Variants in NR4A3 observed in about 807,000 individuals in gnomAD.
The protein encoded by NR4A3 is nuclear receptor subfamily 4 group A member 3.
In NR4A3, 13 loss-of-function variants were observed where a neutral mutation model predicts 55.6. The ratio of observed to expected loss-of-function variants is 0.23; its 90% confidence interval spans 0.15 to 0.37. The LOEUF (loss-of-function observed/expected upper bound fraction) is 0.37. Ranked by LOEUF, NR4A3 falls within the 10% of genes least tolerant of loss-of-function variation. The probability of loss-of-function intolerance (pLI) is 1.00; values close to 1 mark genes in which losing one functional copy is unlikely to be tolerated. For synonymous variants in NR4A3, 342 were observed against 357.9 expected (o/e 0.96, Z 0.50); for missense variants, 646 against 822.8 (o/e 0.79, Z 2.63).
In NR4A3 at chr9:99,828,059, C is replaced by A; in HGVS notation, c.17C>A (p.Ala6Asp). The part of the protein sequence containing the change: MPCVQ[A>D]QYSPSPPGSS... Reference sequence around the variant, plus strand: ...CCTGCAGATATGCCCTGCGTCCAAGCCCAATATAGCCCTTCCCCTCCAGGT... The same window carrying A: ...CCTGCAGATATGCCCTGCGTCCAAGACCAATATAGCCCTTCCCCTCCAGGT... The change falls in exon 3 of 8, where the codon GCC (alanine) becomes GAC (aspartate). Residue 6 changes from alanine to aspartate, a missense_variant. Coordinates refer to ENST00000395097, the MANE Select transcript of NR4A3 (RefSeq NM_006981.4). The surrounding 1 kb of genome is among the most constrained non-coding windows in gnomAD (Gnocchi z 7.7). The A allele has an allele frequency of 6.2e-7, 1 of 1,613,624 alleles. No homozygotes were observed.
rs759364812 is a variant in NR4A3, at chr9:99,828,939, C to T, written c.897C>T (p.Ala299=). 2.1e-5 allele frequency: 30 copies of T among 1,436,412 alleles called. No individual in the cohort carries two copies. The highest frequency in any genetic ancestry group is 2.7e-5 in the Non-Finnish European group (29 of 1,093,698). The allele number at this position is 1,436,412 out of a possible 1,614,324, so 89.0% of individuals were successfully genotyped here. Residue 299 remains alanine (A), a synonymous_variant, in exon 3 of 8, where the codon GCC becomes GCT. Coordinates refer to ENST00000395097, the MANE Select transcript of NR4A3 (RefSeq NM_006981.4). The surrounding 1 kb of genome is among the most constrained non-coding windows in gnomAD (Gnocchi z 7.7). ...EGTCAVCGDN[A]ACQHYGVRTC... ...CGTGTGCCGTGTGCGGGGACAACGC[C>T]GCCTGCCAGCACTACGGCGTGCGAA...
At chr9:99,826,379 A>T (rs547879790) in intron 2 of NR4A3, among the ~76,000 whole-genome samples, 36 of 152,354 alleles carry the variant, frequency 2.4e-4, no homozygotes, top group Non-Finnish European at 4.4e-4. Flanking sequence ...CTAGGTGCCA[A>T]GCCTGTGTGG....
intron 3 of NR4A3, among the ~76,000 whole-genome samples, chr9:99,831,396 T>C (rs1304450043): frequency 6.6e-6 from 1 of 152,220 alleles, no homozygotes; most frequent in Non-Finnish European, 1.5e-5. Context: ...TAAAATCACC[T>C]ACTATGGTGG....
In NR4A3 at chr9:99,828,744, G is replaced by T. The variant is rs1281183595; in HGVS notation, c.702G>T (p.Gln234His). The change falls in exon 3 of 8, where the codon CAG becomes CAT. Residue 234 changes from glutamine to histidine, a missense_variant. Transcript: ENST00000395097. The surrounding 1 kb of genome is among the most constrained non-coding windows in gnomAD (Gnocchi z 7.7). ...PLGAAAAAGSQAAALESHPYG... is the reference protein window; with the variant it reads ...PLGAAAAAGSHAAALESHPYG... ...GAGCCGCAGCCGCCGCGGGCAGCCA[G>T]GCCGCCGCGCTTGAGAGCCACCCGT... 7.5e-7 allele frequency: 1 copy of T among 1,324,826 alleles called. No homozygotes were observed. Among genetic ancestry groups the T allele is most frequent in the South Asian group, 2.0e-5 (1 of 50,788 alleles). The allele number at this position is 1,324,826 out of a possible 1,614,324, so 82.1% of individuals were successfully genotyped here.
intron 5 of NR4A3, among the ~76,000 whole-genome samples, chr9:99,838,785 A>C (rs573800453): frequency 6.6e-6 from 1 of 152,352 alleles, no homozygotes; most frequent in South Asian, 2.1e-4. Flanking sequence ...GGGAAGAAGG[A>C]GAGGCAGGCA....
Position 99,828,561 on chromosome 9 carries a change from G to A in NR4A3, c.519G>A (p.Leu173=), listed in dbSNP as rs756238671. 1.3e-6 allele frequency: 2 copies of A among 1,500,644 alleles called. No homozygotes were observed. The highest frequency in any genetic ancestry group is 2.8e-5 in the African/African-American group (2 of 71,814). 93.0% of individuals were successfully genotyped at this position (1,500,644 alleles called of 1,614,324 possible). ...APGCIAPGPL[L]DPPMKAVPTV... is the part of the protein sequence containing the mutation. The stretch of plus-strand genomic sequence containing the variant: ...GCTGCATCGCACCCGGCCCGCTGCT[G>A]GACCCGCCGATGAAGGCGGTCCCCA... The change falls in exon 3 of 8, where the codon CTG becomes CTA. Residue 173 remains leucine, a synonymous_variant. Coordinates refer to ENST00000395097, the MANE Select transcript of NR4A3 (RefSeq NM_006981.4). This position sits in a 1 kb window ranked among gnomAD's most constrained non-coding sequence, Gnocchi z 7.7.
intron 2 of NR4A3, among the ~76,000 whole-genome samples, chr9:99,827,256 A>G (rs1564029269): frequency 7.2e-6 from 1 of 138,886 alleles, no homozygotes; most frequent in African/African-American, 2.7e-5. Context: ...TGGGATATAT[A>G]TATGTGTGTG....
At chr9:99,832,960 C>A in intron 4 of NR4A3, 142 bp downstream of exon 4, 2 of 726,206 alleles carry the variant, frequency 2.8e-6, no homozygotes, top group Non-Finnish European at 4.2e-6. Flanking sequence ...TATATATCTA[C>A]ATTTTAAAAT....
intron 5 of NR4A3, among the ~76,000 whole-genome samples, chr9:99,840,718 T>C (rs1827636246): frequency 6.6e-6 from 1 of 152,144 alleles, no homozygotes; most frequent in African/African-American, 2.4e-5. Flanking sequence ...AGAGCCTGGA[T>C]GAGGACCCCA....
At chr9:99,827,276 GTGTGTGTGTGTGTGTA>G (rs1330556680) in intron 2 of NR4A3, among the ~76,000 whole-genome samples, 1 of 134,172 alleles carries the variant, frequency 7.5e-6, no homozygotes, top group East Asian at 2.7e-4. Flanking sequence ...GTGTGTGTGT[GTGTGTGTGTGTGTGTA>G]TATATATATA....
intron 7 of NR4A3, among the ~76,000 whole-genome samples, chr9:99,856,976 G>A (rs1264825739): frequency 6.6e-6 from 1 of 152,194 alleles, no homozygotes; most frequent in Non-Finnish European, 1.5e-5. Context: ...GGCTTTACAT[G>A]TGTTATTTTG....
At chr9:99,823,935 C>A (rs555152554) in intron 1 of NR4A3, among the ~76,000 whole-genome samples, 4 of 152,096 alleles carry the variant, frequency 2.6e-5, no homozygotes, top group African/African-American at 9.7e-5. Context: ...AGAGGAGCCC[C>A]GGTCACAATG....
Position 99,834,295 on chromosome 9 carries a change from A to G in NR4A3, c.1254+841A>G, listed in dbSNP as rs557592712. On this transcript the variant is annotated intron_variant, in intron 5 of 7. Coordinates refer to ENST00000395097, the MANE Select transcript of NR4A3 (RefSeq NM_006981.4). Reference sequence around the variant, plus strand: ...TGAGCAAATGAATAAACAGCTCTGTAAGGCAATTTCTTTAAAGGACTTAGA... The same window carrying G: ...TGAGCAAATGAATAAACAGCTCTGTGAGGCAATTTCTTTAAAGGACTTAGA... 6.6e-5 allele frequency among the ~76,000 whole-genome samples: 10 copies of G among 152,346 alleles called. No individual in the cohort carries two copies. The South Asian group carries it at 2.1e-3, about 32-fold the overall frequency.
chr9:99,830,452 C>CA (rs1827417095), intron 3 of NR4A3, among the ~76,000 whole-genome samples: 1 of 152,178 alleles, frequency 6.6e-6, no homozygotes, highest in African/African-American at 2.4e-5. Context: ...TAAAAATGCA[C>CA]ATTTGTGGAG....
intron 7 of NR4A3, among the ~76,000 whole-genome samples, chr9:99,855,137 T>G (rs1827908356): frequency 6.6e-6 from 1 of 151,638 alleles, no homozygotes; most frequent in African/African-American, 2.4e-5. Context: ...TGTTTGTCTG[T>G]TGTTGGTGTA....
Position 99,828,134 on chromosome 9 carries a change from T to A in NR4A3, c.92T>A (p.Met31Lys). 1 of 1,613,988 alleles carries A rather than the reference T, an allele frequency of 6.2e-7. No individual in the cohort carries two copies. The change falls in exon 3 of 8, where the codon ATG (methionine) becomes AAG (lysine). Residue 31 changes from methionine to lysine, a missense_variant. Physicochemically the swap from Met to Lys is moderately conservative, Grantham distance 95 (BLOSUM62 -1). Around this residue, in one of 5 missense-constraint regions of NR4A3, gnomAD observed 426 missense variants for 429.4 expected, o/e 0.99. Coordinates refer to ENST00000395097, the MANE Select transcript of NR4A3 (RefSeq NM_006981.4). This position sits in a 1 kb window ranked among gnomAD's most constrained non-coding sequence, Gnocchi z 7.7. Reference protein sequence around the residue: ...TYSSEYTTEIMNPDYTKLTMD... With the variant: ...TYSSEYTTEIKNPDYTKLTMD... ...AGCTCGGAATACACCACGGAGATCA[T>A]GAACCCCGACTACACCAAGCTGACC... is the stretch of plus-strand genomic sequence containing the variant.
intron 6 of NR4A3, among the ~76,000 whole-genome samples, chr9:99,846,280 A>G (rs1231335891): frequency 6.6e-6 from 1 of 152,228 alleles, no homozygotes; most frequent in African/African-American, 2.4e-5. Flanking sequence ...TTGTCGAACC[A>G]TCCTGTGTAC....
At chr9:99,856,063 G>A (rs1444415945) in intron 7 of NR4A3, among the ~76,000 whole-genome samples, 1 of 152,146 alleles carries the variant, frequency 6.6e-6, no homozygotes, top group East Asian at 1.9e-4. Context: ...CTGGTTTCAT[G>A]GAAGACAATT....
chr9:99,863,528 G>T, intron 7 of NR4A3, 92 bp from the exon 8 acceptor site: 1 of 1,463,906 alleles, frequency 6.8e-7, no homozygotes. Flanking sequence ...ATCCAAACTG[G>T]CAGAATGAGA....
Sources: gnomAD v4.1 joint callset for allele counts (sites outside exome capture counted in the v4.1 genomes callset) on GRCh38, gnomAD v4.1.1 for gene constraint, gnomAD v4.1.1 regional missense constraint, Gnocchi (gnomAD v3.1) non-coding constraint, MANE v1.5 for transcripts, NCBI Gene and HGNC (gene_info 2026-07-23, HGNC 2026-07-21) for gene names.